The following MMP24 variants were observed in gnomAD, a reference collection of about 807,000 sequenced individuals.
The protein encoded by MMP24 is matrix metallopeptidase 24.
In MMP24, 25 loss-of-function variants were observed where a neutral mutation model predicts 62.8. The ratio of observed to expected loss-of-function variants is 0.40; its 90% CI spans 0.29 to 0.56. MMP24 has a LOEUF of 0.56. Among genes scored for constraint, MMP24 ranks in the 20% least tolerant of loss-of-function variants. The pLI is 0.50. For missense variants in MMP24, 634 were observed against 853.6 expected (o/e 0.74, Z 3.21); for synonymous variants, 319 against 350.5 (o/e 0.91, Z 1.00).
intron 2 of MMP24, 51 bp from the exon 3 acceptor site, chr20:35,251,854 G>A: frequency 1.4e-6 from 2 of 1,438,938 alleles, no homozygotes; most frequent in Non-Finnish European, 2.0e-6. Flanking sequence ...TTCCTAAAGT[G>A]TTCAGTGACC....
In MMP24 at chr20:35,254,517, G is replaced by A; in HGVS notation, c.580G>A (p.Val194Met). The A allele has an allele frequency of 1.2e-6, 2 of 1,614,060 alleles. No homozygotes were observed. Among genetic ancestry groups the A allele is most frequent in the Non-Finnish European group, 1.7e-6 (2 of 1,179,904 alleles). ...TRKAIRQAFD[V>M]WQKVTPLTFE... ...GAAAGCTATTCGCCAGGCTTTCGATGTGTGGCAGAAGGTGACCCCACTGAC... is the reference window on the plus strand; with the variant it reads ...GAAAGCTATTCGCCAGGCTTTCGATATGTGGCAGAAGGTGACCCCACTGAC... Residue 194 changes from valine (V) to methionine (M), a missense_variant, in exon 4 of 9, where the codon GTG (valine) becomes ATG (methionine). Around this residue, in one of 3 missense-constraint regions of MMP24, gnomAD observed 212 missense variants for 259.6 expected, o/e 0.82. Transcript: ENST00000246186.
chr20:35,261,405 G>A (rs1202792898), intron 4 of MMP24, among the ~76,000 whole-genome samples: 6 of 152,194 alleles, frequency 3.9e-5, no homozygotes, highest in African/African-American at 1.4e-4. Flanking sequence ...ACACAACCCG[G>A]TGAGGTAGGT....
intron 2 of MMP24, among the ~76,000 whole-genome samples, chr20:35,251,183 A>G (rs2060544224): frequency 6.6e-6 from 1 of 150,688 alleles, no homozygotes; most frequent in Non-Finnish European, 1.5e-5. Context: ...CAATGGCACA[A>G]TCTTGGTTCA....
At position 35,269,065 on chromosome 20, in the gene MMP24, T is replaced by A. The variant is rs1183721297; in HGVS notation, c.1195-695T>A. Among the ~76,000 whole-genome samples the A allele has an allele frequency of 6.6e-6, 1 of 151,270 alleles. No homozygotes were observed. The highest frequency in any genetic ancestry group is 2.1e-4 in the South Asian group (1 of 4,784). On this transcript the variant is annotated intron_variant, in intron 6 of 8. Transcript: ENST00000246186. This position sits in a 1 kb window ranked among gnomAD's most constrained non-coding sequence, Gnocchi z 4.6. ...AGAAAGAAAACTGAGGCCTGGAGGCTACAGGCCTTGCCTAGACTGCTTGTG... is the reference window on the plus strand; with the variant it reads ...AGAAAGAAAACTGAGGCCTGGAGGCAACAGGCCTTGCCTAGACTGCTTGTG...
chr20:35,271,277 C>A lies in MMP24; in HGVS notation c.1334-292C>A, dbSNP rs1042771085. Among the ~76,000 whole-genome samples the A allele has an allele frequency of 1.3e-5, 2 of 152,140 alleles. No homozygotes were observed. The highest frequency in any genetic ancestry group is 2.9e-5 in the Non-Finnish European group (2 of 68,018). ...GGGAGAGCCTCAGAGTCGGGTGTCA[C>A]TGGTAGCAGGTTTGGGGAGTGGTAG... On this transcript the variant is annotated intron_variant, in intron 7 of 8. Transcript: ENST00000246186. This position sits in a 1 kb window ranked among gnomAD's most constrained non-coding sequence, Gnocchi z 4.0.
rs530367944 is a variant in MMP24, at chr20:35,269,375, G to A, written c.1195-385G>A. ...GGATGGAGCCAGCCTCATGGAGGGC[G>A]CTCGGCCCAGGCTCAGTGACCACCC... On this transcript the variant is annotated intron_variant, in intron 6 of 8. Coordinates refer to ENST00000246186, the MANE Select transcript of MMP24 (RefSeq NM_006690.4). The surrounding 1 kb of genome is among the most constrained non-coding windows in gnomAD (Gnocchi z 4.6). Among the ~76,000 whole-genome samples the A allele has an allele frequency of 2.0e-5, 3 of 152,274 alleles. No individual in the cohort carries two copies. The highest frequency in any genetic ancestry group is 2.1e-4 in the South Asian group (1 of 4,826).
chr20:35,252,841 G>T (rs2060554427), intron 3 of MMP24, among the ~76,000 whole-genome samples: 1 of 148,432 alleles, frequency 6.7e-6, no homozygotes, highest in Non-Finnish European at 1.5e-5. Context: ...CTGGGGCAAG[G>T]GCCAGGCATG....
rs1414322120 is a variant in MMP24, at chr20:35,266,259, G to A, written c.980-946G>A. Among the ~76,000 whole-genome samples the A allele has an allele frequency of 4.0e-5, 6 of 149,546 alleles. No homozygotes were observed. In the Admixed American group the frequency reaches 4.0e-4, roughly 10 times the overall value. ...CCCAGCTACTTGGGAGGATGAGGCA[G>A]GAGAATCACTTGAACCTGGGAGGCA... On this transcript the variant is annotated intron_variant, in intron 5 of 8. Transcript: ENST00000246186.
chr20:35,255,331 CA>C (rs11482447), intron 4 of MMP24, among the ~76,000 whole-genome samples: 191 of 138,400 alleles, frequency 1.4e-3, no homozygotes, highest in East Asian at 3.9e-3. Context: ...AACTCCATCT[CA>C]AAAAAAAAAA....
intron 1 of MMP24, among the ~76,000 whole-genome samples, chr20:35,233,088 CACTT>C (rs1384055275): frequency 1.3e-5 from 2 of 152,166 alleles, no homozygotes; most frequent in Middle Eastern, 3.2e-3. Context: ...ATGCCACAAA[CACTT>C]ACGAGGCATA....
chr20:35,255,107 G>C (rs2060568373), intron 4 of MMP24, among the ~76,000 whole-genome samples: 1 of 152,202 alleles, frequency 6.6e-6, no homozygotes, highest in Admixed American at 6.5e-5. Context: ...AAGGCAGGTG[G>C]ATCACCTGAG....
chr20:35,246,289 CT>C (rs1332098463), intron 1 of MMP24, among the ~76,000 whole-genome samples: 1 of 116,150 alleles, frequency 8.6e-6, no homozygotes, highest in African/African-American at 4.7e-5. Context: ...CCTGTCTCTA[CT>C]AAAAAAAAAA....
Position 35,269,951 on chromosome 20 carries a change from C to A in MMP24, c.1333+53C>A. On this transcript the variant is annotated intron_variant, in intron 7 of 8. Coordinates refer to ENST00000246186, the MANE Select transcript of MMP24 (RefSeq NM_006690.4). This position sits in a 1 kb window ranked among gnomAD's most constrained non-coding sequence, Gnocchi z 4.6. Reference sequence around the variant, plus strand: ...TCCCTGCCCAAGGTCTTGGGACCTCCTTTTTCCCATCTAAACTGGAAGAGG... The same window carrying A: ...TCCCTGCCCAAGGTCTTGGGACCTCATTTTTCCCATCTAAACTGGAAGAGG... The A allele has an allele frequency of 6.5e-7, 1 of 1,545,876 alleles. No individual in the cohort carries two copies. Among genetic ancestry groups the A allele is most frequent in the South Asian group, 1.2e-5 (1 of 83,578 alleles).
chr20:35,274,827 C>T lies in MMP24; in HGVS notation c.*218C>T. 1 of 584,958 alleles carries T rather than the reference C, an allele frequency of 1.7e-6. No individual in the cohort carries two copies. Among genetic ancestry groups the T allele is most frequent in the Non-Finnish European group, 3.0e-6 (1 of 329,992 alleles). 36.2% of individuals were successfully genotyped at this position (584,958 alleles called of 1,614,324 possible). A position where few individuals can be genotyped will look rare whatever the true frequency, so the allele number is the denominator to read the frequency against. ...GGGTGTCTGGCACCCAGCTGCCAGC[C>T]TTCTGTCCTGGGCAAACTACTCCCT... is the stretch of plus-strand genomic sequence containing the variant. On this transcript the variant is annotated 3_prime_UTR_variant, in exon 9 of 9. Coordinates refer to ENST00000246186, the MANE Select transcript of MMP24 (RefSeq NM_006690.4). The surrounding 1 kb of genome is among the most constrained non-coding windows in gnomAD (Gnocchi z 5.1).
chr20:35,273,637 G>A (rs2060685637), intron 8 of MMP24, among the ~76,000 whole-genome samples: 1 of 152,160 alleles, frequency 6.6e-6, no homozygotes, highest in Non-Finnish European at 1.5e-5. Context: ...AGCCACGGTG[G>A]GAAGCCAGCC....
Position 35,275,707 on chromosome 20 carries a change from C to T in MMP24, c.*1098C>T, listed in dbSNP as rs148733689. ...GCGTCTGAAGTGCTCAGTGCCCCCA[C>T]TACTCTGAGGCCGACTCCAGCTACT... On this transcript the variant is annotated 3_prime_UTR_variant, in exon 9 of 9. Coordinates refer to ENST00000246186, the MANE Select transcript of MMP24 (RefSeq NM_006690.4). 4.3e-5 allele frequency: 11 copies of T among 257,602 alleles called. No homozygotes were observed. The highest frequency in any genetic ancestry group is 6.6e-5 in the Non-Finnish European group (9 of 137,134). The allele number at this position is 257,602 out of a possible 1,614,324, so 16.0% of individuals were successfully genotyped here.
At chr20:35,261,795 CTTTTTTTTTT>C (rs11335936) in intron 4 of MMP24, among the ~76,000 whole-genome samples, 6 of 88,966 alleles carry the variant, frequency 6.7e-5, no homozygotes, top group African/African-American at 3.2e-4. Flanking sequence ...TCAGGGCATC[CTTTTTTTTTT>C]TTTTTTTTTT....
intron 1 of MMP24, among the ~76,000 whole-genome samples, chr20:35,229,505 TGAAA>T (rs138513587): frequency 0.03 from 4,594 of 152,314 alleles, 217 homozygotes; most frequent in African/African-American, 0.099. Flanking sequence ...CAAAACTTCC[TGAAA>T]GATAGACAAA....
chr20:35,239,338 T>G (rs1003583518), intron 1 of MMP24, among the ~76,000 whole-genome samples: 5 of 152,052 alleles, frequency 3.3e-5, no homozygotes, highest in Admixed American at 6.6e-5. Context: ...CGCCTGGCTG[T>G]TTTTCAATTT....
Sources: allele counts gnomAD v4.1 joint callset (sites outside exome capture counted in the v4.1 genomes callset), GRCh38; gene constraint gnomAD v4.1.1; regional missense constraint gnomAD v4.1.1; non-coding constraint Gnocchi (gnomAD v3.1); transcripts MANE v1.5; gene names NCBI Gene and HGNC (gene_info 2026-07-23, HGNC 2026-07-21).